The following CNTNAP3B variants were observed in gnomAD, a reference collection of about 807,000 sequenced individuals.
CNTNAP3B encodes the protein contactin-associated protein-like 3B.
CNTNAP3B carries 25 observed loss-of-function variants against 108.9 expected under a neutral mutation model. The ratio of observed to expected loss-of-function variants is 0.23; its 90% confidence interval spans 0.17 to 0.32. CNTNAP3B has a LOEUF of 0.32. Ranked by LOEUF, CNTNAP3B falls within the 10% of genes least tolerant of loss-of-function variation. CNTNAP3B has a pLI of 1.00. For missense variants in CNTNAP3B, 252 were observed against 1,210.4 expected (o/e 0.21, Z 11.75); for synonymous variants, 103 against 473.4 (o/e 0.22, Z 10.16).
At chr9:41,952,975 C>T (rs1242934582) in intron 13 of CNTNAP3B, among the ~76,000 whole-genome samples, 14 of 152,218 alleles carry the variant, frequency 9.2e-5, no homozygotes, top group Non-Finnish European at 1.2e-4. Context: ...TGCATATGAA[C>T]GCGCTGAACG....
chr9:41,950,385 C>A (rs569368813), intron 13 of CNTNAP3B, among the ~76,000 whole-genome samples: 2 of 140,070 alleles, frequency 1.4e-5, no homozygotes, highest in East Asian at 2.1e-4. Context: ...CCCTTTGGGG[C>A]ATTAATTCCA....
At chr9:42,119,806 C>T (rs1381414002) in intron 1 of CNTNAP3B, among the ~76,000 whole-genome samples, 4 of 140,630 alleles carry the variant, frequency 2.8e-5, no homozygotes, top group Admixed American at 1.4e-4. Context: ...CTTCCTTACA[C>T]CTTATACAAA....
chr9:42,070,502 G>A (rs1342846030), intron 3 of CNTNAP3B, among the ~76,000 whole-genome samples: 2 of 143,050 alleles, frequency 1.4e-5, no homozygotes, highest in Admixed American at 1.4e-4. Context: ...CTGACTCACT[G>A]TGTCGCTGCC....
At chr9:41,982,613 G>T (rs1459800072) in intron 9 of CNTNAP3B, among the ~76,000 whole-genome samples, 3 of 149,814 alleles carry the variant, frequency 2.0e-5, no homozygotes, top group Non-Finnish European at 4.4e-5. Flanking sequence ...ACTGCTGGGG[G>T]AATTATACAT....
At chr9:41,928,339 G>A (rs1823876293) in intron 15 of CNTNAP3B, among the ~76,000 whole-genome samples, 1 of 152,070 alleles carries the variant, frequency 6.6e-6, no homozygotes, top group Non-Finnish European at 1.5e-5. Context: ...CCAGGTGGAT[G>A]CTACACACAC....
Position 42,112,222 on chromosome 9 carries a change from T to C in CNTNAP3B, c.86-7483A>G, listed in dbSNP as rs1828205538. Among the ~76,000 whole-genome samples the C allele has an allele frequency of 2.1e-5, 3 of 139,850 alleles. No homozygotes were observed. The South Asian group carries it at 6.8e-4, about 32-fold the overall frequency. 91.7% of individuals were successfully genotyped at this position (139,850 alleles called of 152,430 possible). A position where few individuals can be genotyped will look rare whatever the true frequency, so the allele number is the denominator to read the frequency against. ...GTCTGCGAGTTCCCATCACTTATTA[T>C]CTTCAGGGCTCAACTCAAGTTTTGT... On this transcript the variant is annotated intron_variant, in intron 1 of 23. Transcript: ENST00000377561.
intron 13 of CNTNAP3B, among the ~76,000 whole-genome samples, chr9:41,944,906 C>T (rs1587131041): frequency 2.0e-5 from 3 of 152,398 alleles, no homozygotes; most frequent in Admixed American, 2.0e-4. Context: ...CTACACAGAA[C>T]TTAAACAAAT....
intron 3 of CNTNAP3B, among the ~76,000 whole-genome samples, chr9:42,026,893 G>A (rs1219077539): frequency 8.1e-6 from 1 of 124,106 alleles, no homozygotes; most frequent in Non-Finnish European, 1.7e-5. Context: ...TAAGCAAACA[G>A]TCGGGGTCTC....
At chr9:42,128,263 C>T (rs1828614421) in intron 1 of CNTNAP3B, among the ~76,000 whole-genome samples, 1 of 139,548 alleles carries the variant, frequency 7.2e-6, no homozygotes, top group African/African-American at 2.8e-5. Flanking sequence ...GAATCATAGC[C>T]CATTCTAGAA....
intron 3 of CNTNAP3B, among the ~76,000 whole-genome samples, chr9:42,064,832 C>T (rs963354965): frequency 6.9e-6 from 1 of 144,284 alleles, no homozygotes; most frequent in Admixed American, 6.9e-5. Context: ...TATATATACA[C>T]CATATTTTCT....
At chr9:41,920,534 GCAAATAGT>G (rs1487987854) in intron 17 of CNTNAP3B, among the ~76,000 whole-genome samples, 1 of 152,244 alleles carries the variant, frequency 6.6e-6, no homozygotes, top group East Asian at 1.9e-4. Context: ...GGTGAGTCTG[GCAAATAGT>G]CCTTCTAAAA....
chr9:42,047,161 C>A (rs1335411374), intron 3 of CNTNAP3B, among the ~76,000 whole-genome samples: 1 of 85,550 alleles, frequency 1.2e-5, no homozygotes, highest in Non-Finnish European at 2.3e-5. Context: ...ACGGTGAGTC[C>A]CTGGGGCCGC....
At position 42,113,481 on chromosome 9, in the gene CNTNAP3B, G is replaced by A. The variant is rs1455091322; in HGVS notation, c.86-8742C>T. Among the ~76,000 whole-genome samples, 2 of 139,352 alleles carry A rather than the reference G, an allele frequency of 1.4e-5. 1 individual carries two copies. Among genetic ancestry groups the A allele is most frequent in the African/African-American group, 5.7e-5 (2 of 35,182 alleles). 91.4% of individuals were successfully genotyped at this position (139,352 alleles called of 152,430 possible). A position where few individuals can be genotyped will look rare whatever the true frequency, so the allele number is the denominator to read the frequency against. On this transcript the variant is annotated intron_variant, in intron 1 of 23. Transcript: ENST00000377561. ...GACTTACTGCTAAGTAGAAAGAGAG[G>A]AAACCAAATAACAAAATTAAGTCGT...
intron 14 of CNTNAP3B, among the ~76,000 whole-genome samples, chr9:41,932,365 T>G (rs1406140569): frequency 4.6e-5 from 7 of 151,970 alleles, no homozygotes; most frequent in Non-Finnish European, 7.4e-5. Flanking sequence ...TTCTGGAAAT[T>G]GTACTTTCCT....
At chr9:41,977,621 T>A (rs1249301065) in intron 9 of CNTNAP3B, among the ~76,000 whole-genome samples, 1 of 102,742 alleles carries the variant, frequency 9.7e-6, no homozygotes, top group East Asian at 2.5e-4. Flanking sequence ...GAATTTTACC[T>A]TTTTTTTTTT....
chr9:42,095,845 T>C (rs897560015), intron 2 of CNTNAP3B, among the ~76,000 whole-genome samples: 1 of 136,900 alleles, frequency 7.3e-6, no homozygotes, highest in South Asian at 2.4e-4. Context: ...GCTAATTGCC[T>C]TGGTAAAGCG....
At chr9:42,083,061 A>G (rs1345257988) in intron 2 of CNTNAP3B, among the ~76,000 whole-genome samples, 1 of 139,490 alleles carries the variant, frequency 7.2e-6, no homozygotes, top group Non-Finnish European at 1.5e-5. Context: ...AACAAAGTAG[A>G]TTTCAGTGCA....
At chr9:42,104,848 T>C (rs901061661) in intron 1 of CNTNAP3B, 109 bp from the exon 2 acceptor site, 3 of 393,410 alleles carry the variant, frequency 7.6e-6, no homozygotes. Flanking sequence ...CAATCATCAC[T>C]CCTTTTTTAA....
At chr9:41,968,051 C>A (rs912274306) in intron 10 of CNTNAP3B, among the ~76,000 whole-genome samples, 1 of 152,348 alleles carries the variant, frequency 6.6e-6, no homozygotes, top group South Asian at 2.1e-4. Context: ...AACAAAACAG[C>A]CTATAACAGT....
Sources: gnomAD v4.1 joint callset for allele counts (sites outside exome capture counted in the v4.1 genomes callset) on GRCh38, gnomAD v4.1.1 for gene constraint, MANE v1.5 for transcripts, NCBI Gene and HGNC (gene_info 2026-07-23, HGNC 2026-07-21) for gene names.